Variants in ST3GAL3 observed in about 807,000 individuals in gnomAD.
The protein encoded by ST3GAL3 is ST3 beta-galactoside alpha-2,3-sialyltransferase 3.
A neutral mutation model predicts 50.1 loss-of-function variants in ST3GAL3; 21 were observed. That is an observed-to-expected ratio of 0.42 (90% CI 0.30 to 0.60). The LOEUF is 0.60. ST3GAL3 is among the 20% of genes least tolerant of loss of function. The pLI is 0.19. For missense variants in ST3GAL3, 353 were observed against 489.4 expected (o/e 0.72, Z 2.63); for synonymous variants, 183 against 190.0 (o/e 0.96, Z 0.30).
chr1:43,799,095 A>T (rs2059030594), intron 3 of ST3GAL3, among the ~76,000 whole-genome samples: 1 of 152,234 alleles, frequency 6.6e-6, no homozygotes, highest in Non-Finnish European at 1.5e-5. Context: ...GTGTAGGTAA[A>T]ATTATGTATG....
chr1:43,842,264 C>G (rs979351348), intron 5 of ST3GAL3: 1 of 152,160 alleles, frequency 6.6e-6, no homozygotes, highest in African/African-American at 2.4e-5. Context: ...TATCCATTAC[C>G]CGGTTCCGAA....
intron 3 of ST3GAL3, among the ~76,000 whole-genome samples, chr1:43,795,595 G>C (rs2058598463): frequency 6.6e-6 from 1 of 152,140 alleles, no homozygotes; most frequent in Non-Finnish European, 1.5e-5. Context: ...ACAAAGCGCT[G>C]GGCATACCAC....
chr1:43,813,373 T>G (rs1261233960), intron 3 of ST3GAL3, among the ~76,000 whole-genome samples: 1 of 152,214 alleles, frequency 6.6e-6, no homozygotes, highest in East Asian at 1.9e-4. Context: ...CAAATTGTAT[T>G]TTTCGTTTTA....
intron 5 of ST3GAL3, among the ~76,000 whole-genome samples, chr1:43,866,682 A>C (rs963013746): frequency 6.6e-6 from 1 of 152,136 alleles, no homozygotes; most frequent in Non-Finnish European, 1.5e-5. Context: ...AACATGATGC[A>C]CATAAGGACA....
intron 5 of ST3GAL3, among the ~76,000 whole-genome samples, chr1:43,887,847 T>C (rs946112932): frequency 2.7e-5 from 4 of 148,900 alleles, no homozygotes; most frequent in African/African-American, 1.0e-4. Context: ...CCACTGTCCT[T>C]TCTGGGAGTT....
chr1:43,898,383 A>G (rs1248154258), intron 7 of ST3GAL3, 85 bp downstream of exon 7: 4 of 1,414,900 alleles, frequency 2.8e-6, no homozygotes, highest in African/African-American at 2.8e-5. Flanking sequence ...TTCCCTGGAC[A>G]TGGGCAGTTT....
intron 2 of ST3GAL3, among the ~76,000 whole-genome samples, chr1:43,770,050 G>A (rs936911179): frequency 1.3e-5 from 2 of 152,162 alleles, no homozygotes; most frequent in East Asian, 3.9e-4. Flanking sequence ...GAACCATGGA[G>A]TAAATAATTT....
At chr1:43,831,967 T>C (rs1217828085) in intron 4 of ST3GAL3, among the ~76,000 whole-genome samples, 1 of 152,206 alleles carries the variant, frequency 6.6e-6, no homozygotes, top group Non-Finnish European at 1.5e-5. Flanking sequence ...GATCATTAGA[T>C]CCGCTGTCTG....
intron 5 of ST3GAL3, among the ~76,000 whole-genome samples, chr1:43,883,408 G>A (rs964764294): frequency 6.6e-6 from 1 of 152,204 alleles, no homozygotes; most frequent in African/African-American, 2.4e-5. Flanking sequence ...GTAGAAGACA[G>A]GGGAAGAGAT....
intron 9 of ST3GAL3, among the ~76,000 whole-genome samples, chr1:43,918,596 A>G (rs1481420061): frequency 6.8e-6 from 1 of 146,666 alleles, no homozygotes; most frequent in Non-Finnish European, 1.5e-5. Context: ...GTTTTGAATC[A>G]TATATATATA....
chr1:43,853,417 A>G (rs2067722119), intron 5 of ST3GAL3, among the ~76,000 whole-genome samples: 1 of 152,172 alleles, frequency 6.6e-6, no homozygotes, highest in Non-Finnish European at 1.5e-5. Flanking sequence ...GTCCAGTTCT[A>G]AATATGAGGA....
At chr1:43,910,361 G>T (rs12138299) in intron 9 of ST3GAL3, among the ~76,000 whole-genome samples, 2 of 152,222 alleles carry the variant, frequency 1.3e-5, no homozygotes, top group Non-Finnish European at 2.9e-5. Context: ...AGGAACTGAA[G>T]ACAAATCTCA....
At chr1:43,874,712 G>A (rs756717792) in intron 5 of ST3GAL3, among the ~76,000 whole-genome samples, 17 of 152,194 alleles carry the variant, frequency 1.1e-4, no homozygotes, top group Non-Finnish European at 2.4e-4. Context: ...ACATAAAGTA[G>A]AGAATATAGG....
chr1:43,708,242 G>A (rs1348858971), intron 1 of ST3GAL3: 2 of 152,174 alleles, frequency 1.3e-5, no homozygotes, highest in East Asian at 3.9e-4. Flanking sequence ...TAGTGAGGAG[G>A]GCAGGTTTGG....
At chr1:43,881,432 G>A (rs1165059956) in intron 5 of ST3GAL3, among the ~76,000 whole-genome samples, 3 of 152,254 alleles carry the variant, frequency 2.0e-5, no homozygotes, top group Non-Finnish European at 4.4e-5. Context: ...TGGGCTTTGG[G>A]TTATGTGGCC....
At chr1:43,907,172 G>T (rs990852343) in intron 9 of ST3GAL3, among the ~76,000 whole-genome samples, 1 of 152,172 alleles carries the variant, frequency 6.6e-6, no homozygotes, top group Admixed American at 6.5e-5. Flanking sequence ...CAGTAGAGCC[G>T]CATTTTGGAC....
intron 5 of ST3GAL3, chr1:43,858,389 G>A: frequency 8.7e-7 from 1 of 1,155,236 alleles, no homozygotes; most frequent in Non-Finnish European, 1.1e-6. Context: ...TCCAGCCTAG[G>A]AGCAGGAACT....
At chr1:43,921,335 C>T in intron 11 of ST3GAL3, 1 of 477,398 alleles carries the variant, frequency 2.1e-6, no homozygotes, top group Non-Finnish European at 3.7e-6. Context: ...CACAGCCAAG[C>T]ACTGCAGCTC....
At chr1:43,924,831 C>T (rs146924823) in intron 11 of ST3GAL3, among the ~76,000 whole-genome samples, 23 of 152,314 alleles carry the variant, frequency 1.5e-4, no homozygotes, top group Admixed American at 1.2e-3. Context: ...TGCCTTGGTG[C>T]AGGAATGAGG....
Sources: allele counts gnomAD v4.1 joint callset (sites outside exome capture counted in the v4.1 genomes callset), GRCh38; gene constraint gnomAD v4.1.1; transcripts MANE v1.5; gene names NCBI Gene and HGNC (gene_info 2026-07-23, HGNC 2026-07-21).